LRMDA: variants seen among roughly 807,000 people sequenced by gnomAD.
LRMDA encodes leucine-rich melanocyte differentiation-associated protein.
Under a neutral mutation model 29.8 loss-of-function variants are expected in LRMDA, and 18 were observed. The ratio of observed to expected loss-of-function variants is 0.60; its 90% CI spans 0.42 to 0.90. The LOEUF (loss-of-function observed/expected upper bound fraction) is 0.90, where lower values mean the gene tolerates loss of function less well. Among genes scored for constraint, LRMDA ranks in the 40% least tolerant of loss-of-function variants. The pLI, the probability that LRMDA is intolerant of heterozygous loss-of-function variation, is 0.00. For missense variants in LRMDA, 273 were observed against 273.9 expected, an observed-to-expected ratio of 1.00 and a Z score of 0.02; for synonymous variants, 125 against 109.4, an observed-to-expected ratio of 1.14 and a Z score of -0.89.
chr10:76,095,959 A>AG, intron 5 of LRMDA, among the ~76,000 whole-genome samples: 1 of 151,956 alleles, frequency 6.6e-6, no homozygotes, highest in South Asian at 2.1e-4. Flanking sequence ...AAAAAAAAAA[A>AG]GTGGGTTGTT....
rs1843416377 is a variant in LRMDA at position 76,545,960 on chromosome 10, T to G, written c.602-11249T>G. ...AAAAATGCATACTCTTGGCCCCAAC[T>G]CAGATCCATGGAATCAGAAACTCTG... On this transcript the variant is annotated intron_variant, in intron 6 of 6. Coordinates refer to ENST00000611255, the MANE Select transcript of LRMDA (RefSeq NM_001305581.2). Among the ~76,000 whole-genome samples the G allele has an allele frequency of 2.0e-5, 3 of 152,218 alleles. No homozygotes were observed. In the South Asian group the frequency reaches 6.2e-4, roughly 32 times the overall value.
intron 6 of LRMDA, among the ~76,000 whole-genome samples, chr10:76,480,538 G>A (rs764692345): frequency 4.6e-5 from 7 of 151,950 alleles, no homozygotes; most frequent in Non-Finnish European, 8.8e-5. Context: ...TCACATAATA[G>A]ATGTATGGCT....
At chr10:75,710,219 T>A (rs1484409786) in intron 2 of LRMDA, among the ~76,000 whole-genome samples, 1 of 152,198 alleles carries the variant, frequency 6.6e-6, no homozygotes, top group African/African-American at 2.4e-5. Flanking sequence ...AATGTGTTAA[T>A]GACAGAGAGG....
chr10:75,603,521 C>A (rs1285552239), intron 2 of LRMDA, among the ~76,000 whole-genome samples: 2 of 152,170 alleles, frequency 1.3e-5, no homozygotes, highest in African/African-American at 4.8e-5. Flanking sequence ...CTGTAAAATT[C>A]ATAAGAAGCA....
chr10:75,906,483 C>G (rs1372944232), intron 2 of LRMDA, among the ~76,000 whole-genome samples: 6 of 152,162 alleles, frequency 3.9e-5, no homozygotes, highest in Admixed American at 3.3e-4. Context: ...GCCTCCGATT[C>G]CCAGCTTGCA....
intron 2 of LRMDA, among the ~76,000 whole-genome samples, chr10:75,990,884 G>A (rs1021172542): frequency 2.0e-5 from 3 of 152,118 alleles, no homozygotes; most frequent in Non-Finnish European, 4.4e-5. Flanking sequence ...GCCTTGTGGA[G>A]GCCATCGTGG....
intron 5 of LRMDA, among the ~76,000 whole-genome samples, chr10:76,164,696 T>C (rs1328103458): frequency 6.6e-6 from 1 of 152,206 alleles, no homozygotes; most frequent in Non-Finnish European, 1.5e-5. Flanking sequence ...GATCCCACAA[T>C]ACTTTTGTGT....
intron 6 of LRMDA, among the ~76,000 whole-genome samples, chr10:76,457,484 T>G (rs1237302856): frequency 6.7e-6 from 1 of 150,036 alleles, no homozygotes; most frequent in African/African-American, 2.4e-5. Flanking sequence ...AATGGTCTAT[T>G]TAGTGCTATG....
chr10:75,779,362 GC>G (rs761764608), intron 2 of LRMDA, among the ~76,000 whole-genome samples: 1 of 152,070 alleles, frequency 6.6e-6, no homozygotes, highest in Non-Finnish European at 1.5e-5. Flanking sequence ...GATATTATCA[GC>G]AAAAGCCTAA....
At chr10:75,479,260 C>T (rs997518405) in intron 2 of LRMDA, among the ~76,000 whole-genome samples, 2 of 152,130 alleles carry the variant, frequency 1.3e-5, no homozygotes, top group African/African-American at 4.8e-5. Context: ...GTAATCCCAG[C>T]ACTTTGGGAG....
intron 6 of LRMDA, among the ~76,000 whole-genome samples, chr10:76,433,111 T>C (rs1842208714): frequency 6.6e-6 from 1 of 152,186 alleles, no homozygotes; most frequent in African/African-American, 2.4e-5. Flanking sequence ...CAAAGGAAGA[T>C]TGCTGTCTCC....
chr10:75,508,982 T>C (rs372218915), intron 2 of LRMDA, among the ~76,000 whole-genome samples: 2 of 152,240 alleles, frequency 1.3e-5, no homozygotes, highest in South Asian at 4.1e-4. Flanking sequence ...TGAAAGACAT[T>C]ACAGATAACA....
intron 2 of LRMDA, among the ~76,000 whole-genome samples, chr10:75,895,016 G>A (rs1845559431): frequency 6.6e-6 from 1 of 152,126 alleles, no homozygotes; most frequent in African/African-American, 2.4e-5. Flanking sequence ...GGATTTGTTT[G>A]GATGAAAAGT....
intron 5 of LRMDA, among the ~76,000 whole-genome samples, chr10:76,317,816 CA>C (rs1161721495): frequency 6.6e-6 from 1 of 152,176 alleles, no homozygotes; most frequent in Non-Finnish European, 1.5e-5. Context: ...TCAGGTGATC[CA>C]CCTGCCTCAG....
At chr10:76,393,187 A>G (rs1013717900) in intron 6 of LRMDA, among the ~76,000 whole-genome samples, 1 of 152,128 alleles carries the variant, frequency 6.6e-6, no homozygotes, top group African/African-American at 2.4e-5. Flanking sequence ...TCTTTTGGAT[A>G]CATTCATTTC....
chr10:76,007,031 T>TGTGTGC (rs1230411095), intron 2 of LRMDA, among the ~76,000 whole-genome samples: 67 of 26,962 alleles, frequency 2.5e-3, no homozygotes, highest in South Asian at 6.4e-3. Flanking sequence ...TGTGTGTGTG[T>TGTGTGC]GCGCGTGTGT....
At chr10:75,990,191 G>A (rs896429666) in intron 2 of LRMDA, among the ~76,000 whole-genome samples, 3 of 152,260 alleles carry the variant, frequency 2.0e-5, no homozygotes, top group Non-Finnish European at 2.9e-5. Context: ...TCTCACACAC[G>A]GACTTATTTA....
intron 2 of LRMDA, among the ~76,000 whole-genome samples, chr10:75,496,261 C>A (rs1845043610): frequency 6.6e-6 from 1 of 152,110 alleles, no homozygotes; most frequent in Admixed American, 6.5e-5. Flanking sequence ...GGGTTCAAAT[C>A]CTCTTGCTAG....
chr10:76,179,559 T>C (rs1851005918), intron 5 of LRMDA, among the ~76,000 whole-genome samples: 1 of 152,120 alleles, frequency 6.6e-6, no homozygotes, highest in Non-Finnish European at 1.5e-5. Flanking sequence ...GACTGTCTTG[T>C]CGGTAAGAAA....
Sources: gnomAD v4.1 joint callset for allele counts (sites outside exome capture counted in the v4.1 genomes callset) on GRCh38, gnomAD v4.1.1 for gene constraint, MANE v1.5 for transcripts, NCBI Gene and HGNC (gene_info 2026-07-23, HGNC 2026-07-21) for gene names.